Variants in KIAA0232 observed in about 807,000 individuals in gnomAD.
The protein encoded by KIAA0232 is KIAA0232, also known as uncharacterized protein KIAA0232.
Under a neutral mutation model 122.0 loss-of-function variants are expected in KIAA0232, and 27 were observed. The ratio of observed to expected loss-of-function variants is 0.22; its 90% confidence interval spans 0.16 to 0.31. The LOEUF is 0.31. Ranked by LOEUF, KIAA0232 falls within the 10% of genes least tolerant of loss-of-function variation. The pLI, the probability that KIAA0232 is intolerant of heterozygous loss-of-function variation, is 1.00. For missense variants in KIAA0232, 1,551 were observed against 1,634.2 expected (o/e 0.95, Z 0.88); for synonymous variants, 613 against 587.6 (o/e 1.04, Z -0.63).
intron 2 of KIAA0232, among the ~76,000 whole-genome samples, chr4:6,810,301 A>G (rs1055312360): frequency 6.6e-6 from 1 of 152,224 alleles, no homozygotes; most frequent in African/African-American, 2.4e-5. Flanking sequence ...ATCTTTGACA[A>G]CGCTACCAAC....
chr4:6,844,096 C>T (rs937013559), intron 4 of KIAA0232, among the ~76,000 whole-genome samples: 5 of 151,746 alleles, frequency 3.3e-5, no homozygotes, highest in South Asian at 4.2e-4. Context: ...CCCGCCACCA[C>T]GCCCGGCTAA....
At chr4:6,812,127 G>A (rs891246738) in intron 2 of KIAA0232, among the ~76,000 whole-genome samples, 6 of 152,036 alleles carry the variant, frequency 3.9e-5, no homozygotes, top group African/African-American at 1.4e-4. Context: ...GTAGTGTCTT[G>A]GACAACCTCC....
At chr4:6,878,319 G>A (rs1046633284) in intron 9 of KIAA0232, among the ~76,000 whole-genome samples, 3 of 152,122 alleles carry the variant, frequency 2.0e-5, no homozygotes, top group Non-Finnish European at 4.4e-5. Context: ...AGATTGCAGT[G>A]AGCTGAGATC....
Position 6,861,156 on chromosome 4 carries a change from A to G in KIAA0232, c.774A>G (p.Lys258=), listed in dbSNP as rs1577406213. The G allele has an allele frequency of 6.2e-7, 1 of 1,614,186 alleles. No individual in the cohort carries two copies. Among genetic ancestry groups the G allele is most frequent in the East Asian group, 2.2e-5 (1 of 44,884 alleles). Residue 258 remains lysine (K), a synonymous_variant, in exon 7 of 10, where the codon AAA becomes AAG. Coordinates refer to ENST00000307659, the MANE Select transcript of KIAA0232 (RefSeq NM_014743.3). Reference sequence around the variant, plus strand: ...AAAGCAAAAACGAGAAGGAAAACAAATTTAGTAATGGCACAATTGAAGAAA... The same window carrying G: ...AAAGCAAAAACGAGAAGGAAAACAAGTTTAGTAATGGCACAATTGAAGAAA... ...QSKSKNEKEN[K]FSNGTIEEKP...
In KIAA0232 at chr4:6,824,706, T is replaced by G. The variant is rs183217995; in HGVS notation, c.231+22T>G. 2.9e-5 allele frequency: 46 copies of G among 1,600,636 alleles called. No individual in the cohort carries two copies. The East Asian group carries it at 1.0e-3, about 35-fold the overall frequency. On this transcript the variant is annotated intron_variant, in intron 3 of 9. Coordinates refer to ENST00000307659, the MANE Select transcript of KIAA0232 (RefSeq NM_014743.3). The stretch of plus-strand genomic sequence containing the variant: ...ACAGGTATTTACATATTTTAAGTGT[T>G]TTCTGAAAACTGATTGTATCTGTAT...
At chr4:6,783,233 G>A (rs972663483) in intron 1 of KIAA0232, among the ~76,000 whole-genome samples, 1 of 152,196 alleles carries the variant, frequency 6.6e-6, no homozygotes, top group African/African-American at 2.4e-5. Context: ...GGTGGTGCCC[G>A]GGCGTGCGGG....
At chr4:6,797,990 G>A (rs1252953630) in intron 1 of KIAA0232, among the ~76,000 whole-genome samples, 1 of 151,640 alleles carries the variant, frequency 6.6e-6, no homozygotes, top group Non-Finnish European at 1.5e-5. Flanking sequence ...CCCGAGAGGT[G>A]GAGCTTGCAG....
chr4:6,874,229 CAG>C (rs1721638138), intron 8 of KIAA0232, among the ~76,000 whole-genome samples: 1 of 152,222 alleles, frequency 6.6e-6, no homozygotes, highest in Non-Finnish European at 1.5e-5. Context: ...CATAGGCAAA[CAG>C]ATCGTGTCCC....
intron 1 of KIAA0232, among the ~76,000 whole-genome samples, chr4:6,794,871 CATGTT>C (rs922423340): frequency 1.3e-5 from 2 of 152,106 alleles, no homozygotes; most frequent in African/African-American, 4.8e-5. Context: ...TGGCTTTAGA[CATGTT>C]ATAAGTTTGA....
At chr4:6,804,384 T>C (rs1358935562) in intron 1 of KIAA0232, 139 bp from the exon 2 acceptor site, 3 of 152,194 alleles carry the variant, frequency 2.0e-5, no homozygotes, top group Admixed American at 6.5e-5. Context: ...GCTCTGCCAT[T>C]AACATCCCAT....
chr4:6,858,294 C>T (rs1480667596), intron 5 of KIAA0232, 131 bp from the exon 6 acceptor site: 15 of 567,196 alleles, frequency 2.6e-5, no homozygotes, highest in Non-Finnish European at 4.4e-5. Context: ...TTAAAAAGAT[C>T]GGTATTGAGT....
Position 6,855,123 on chromosome 4 carries a change from T to C in KIAA0232, c.370-2041T>C, listed in dbSNP as rs1720503230. 1.3e-5 allele frequency among the ~76,000 whole-genome samples: 2 copies of C among 152,000 alleles called. No individual in the cohort carries two copies. The highest frequency in any genetic ancestry group is 1.3e-4 in the Admixed American group (2 of 15,270). On this transcript the variant is annotated intron_variant, in intron 4 of 9. Transcript: ENST00000307659. This position sits in a 1 kb window ranked among gnomAD's most constrained non-coding sequence, Gnocchi z 4.3. ...TTTTTGAGACCGAGTCTCGCTCTGT[T>C]GCCCAGGCTGGAGTGCAATGACGCG...
intron 2 of KIAA0232, among the ~76,000 whole-genome samples, chr4:6,812,025 A>T (rs1037736569): frequency 6.6e-6 from 1 of 152,326 alleles, no homozygotes; most frequent in African/African-American, 2.4e-5. Flanking sequence ...CCTATCAAAC[A>T]TAAAGTAGAT....
chr4:6,866,788 C>T (rs1438866162), intron 7 of KIAA0232, among the ~76,000 whole-genome samples: 1 of 152,156 alleles, frequency 6.6e-6, no homozygotes, highest in Non-Finnish European at 1.5e-5. Flanking sequence ...ATGCCTGTTG[C>T]TAAAGTAGGT....
At chr4:6,785,615 T>C (rs1286978800) in intron 1 of KIAA0232, among the ~76,000 whole-genome samples, 1 of 152,242 alleles carries the variant, frequency 6.6e-6, no homozygotes, top group African/African-American at 2.4e-5. Context: ...TAACTTTGTC[T>C]TCAGGCTCCT....
At chr4:6,838,410 A>C (rs1719464005) in intron 3 of KIAA0232, among the ~76,000 whole-genome samples, 1 of 152,230 alleles carries the variant, frequency 6.6e-6, no homozygotes, top group East Asian at 1.9e-4. Flanking sequence ...GCTGTTCTCA[A>C]ACTCCTGGGC....
chr4:6,867,424 G>T (rs532721627), intron 7 of KIAA0232, among the ~76,000 whole-genome samples: 1 of 152,224 alleles, frequency 6.6e-6, no homozygotes, highest in South Asian at 2.1e-4. Context: ...GGGATCTCAC[G>T]GTCTCTGGAG....
chr4:6,783,096 G>T (rs1387088373), intron 1 of KIAA0232, among the ~76,000 whole-genome samples: 1 of 148,930 alleles, frequency 6.7e-6, no homozygotes, highest in Non-Finnish European at 1.5e-5. Context: ...GCCGCCGCCG[G>T]GGGCTCCGGG....
rs1310217550 is a variant in KIAA0232 at position 6,863,069 on chromosome 4, G to A, written c.2687G>A (p.Arg896Lys). The change falls in exon 7 of 10, where the codon AGA becomes AAA. Residue 896 changes from arginine (R) to lysine (K), a missense_variant. Arg to Lys is a conservative substitution (Grantham distance 26). Transcript: ENST00000307659. ...WEGQKESLEK[R>K]AFASSELSNV... ...GGACAGAAAGAGAGCCTGGAGAAAAGAGCATTTGCTTCTAGTGAGCTATCA... is the reference window on the plus strand; with the variant it reads ...GGACAGAAAGAGAGCCTGGAGAAAAAAGCATTTGCTTCTAGTGAGCTATCA... The A allele has an allele frequency of 6.2e-7, 1 of 1,614,248 alleles. No homozygotes were observed. Among genetic ancestry groups the A allele is most frequent in the Admixed American group, 1.7e-5 (1 of 60,032 alleles).
Sources: allele counts gnomAD v4.1 joint callset (sites outside exome capture counted in the v4.1 genomes callset), GRCh38; gene constraint gnomAD v4.1.1; non-coding constraint Gnocchi (gnomAD v3.1); transcripts MANE v1.5; gene names NCBI Gene and HGNC (gene_info 2026-07-23, HGNC 2026-07-21).